RAB27A: variants seen among roughly 807,000 people sequenced by gnomAD.
RAB27A encodes RAB27A, member RAS oncogene family.
RAB27A carries 17 observed loss-of-function variants against 20.8 expected under a neutral mutation model. That is an observed-to-expected ratio of 0.82 (90% CI 0.56 to 1.23). RAB27A has a LOEUF of 1.23. Ranked by LOEUF, RAB27A falls within the 50% of genes most tolerant of loss-of-function variation. The probability of loss-of-function intolerance (pLI) is 0.00; values close to 1 mark genes in which losing one functional copy is unlikely to be tolerated. For synonymous variants in RAB27A, 85 were observed against 92.8 expected, an observed-to-expected ratio of 0.92 and a Z score of 0.48; for missense variants, 277 against 266.7, an observed-to-expected ratio of 1.04 and a Z score of -0.27.
chr15:55,304,081 G>A (rs1423244595), intron 2 of RAB27A, among the ~76,000 whole-genome samples: 2 of 152,170 alleles, frequency 1.3e-5, no homozygotes, highest in Admixed American at 6.5e-5. Flanking sequence ...TGTAGAAAGA[G>A]GTAGACATGG....
chr15:55,209,836 G>A (rs531269823), intron 6 of RAB27A, among the ~76,000 whole-genome samples: 1 of 111,556 alleles, frequency 9.0e-6, no homozygotes, highest in South Asian at 2.6e-4. Context: ...ATACATATAT[G>A]TGTGTACACA....
intron 1 of RAB27A, among the ~76,000 whole-genome samples, chr15:55,279,721 T>G (rs1400049878): frequency 6.6e-6 from 1 of 152,228 alleles, no homozygotes; most frequent in Non-Finnish European, 1.5e-5. Context: ...TTCCCTCGCT[T>G]GTGTATGGCA....
At chr15:55,294,360 G>C (rs776873875), upstream of RAB27A, among the ~76,000 whole-genome samples, 1 of 152,046 alleles carries the variant, frequency 6.6e-6, no homozygotes, top group Non-Finnish European at 1.5e-5. Context: ...GGCCAACATA[G>C]GTAGAGCCCT....
intron 6 of RAB27A, among the ~76,000 whole-genome samples, chr15:55,214,972 A>G (rs1895209400): frequency 6.6e-6 from 1 of 152,210 alleles, no homozygotes; most frequent in South Asian, 2.1e-4. Flanking sequence ...GTTAATGTCC[A>G]CAGAACATTT....
At chr15:55,293,778 G>T (rs1354105931), upstream of RAB27A, among the ~76,000 whole-genome samples, 1 of 152,094 alleles carries the variant, frequency 6.6e-6, no homozygotes, top group Admixed American at 6.5e-5. Flanking sequence ...TTAGCCGGGC[G>T]TGGTGGTGGG....
At chr15:55,221,514 G>A (rs7183895) in intron 6 of RAB27A, among the ~76,000 whole-genome samples, 50,903 of 151,800 alleles carry the variant, frequency 0.34, 10,540 homozygotes, top group African/African-American at 0.59. Flanking sequence ...GACTCTGTCA[G>A]CCTCCCCCTC....
intron 1 of RAB27A, among the ~76,000 whole-genome samples, chr15:55,275,062 C>T (rs190987586): frequency 3.2e-4 from 48 of 151,356 alleles, no homozygotes; most frequent in African/African-American, 1.2e-3. Context: ...ACCAGCCTGG[C>T]CAACATGGTA....
At chr15:55,285,716 C>T (rs12902233) in intron 1 of RAB27A, among the ~76,000 whole-genome samples, 6,741 of 152,290 alleles carry the variant, frequency 0.044, 241 homozygotes, top group Middle Eastern at 0.061. Flanking sequence ...GATGGCAAGA[C>T]AATTTCCCTT....
rs764074873 is a variant in RAB27A, at chr15:55,206,693, C to T, written c.468-988G>A. 6.6e-5 allele frequency among the ~76,000 whole-genome samples: 10 copies of T among 151,990 alleles called. 1 individual carries two copies. Among genetic ancestry groups the T allele is most frequent in the South Asian group, 6.3e-4 (3 of 4,796 alleles). On this transcript the variant is annotated intron_variant, in intron 6 of 6. Coordinates refer to ENST00000336787, the MANE Select transcript of RAB27A (RefSeq NM_183235.3). ...ATTGGTATGAAAGCCGTTTAAATTC[C>T]TCTAAGTGAAAAGTAAAACTTGAAA...
intron 6 of RAB27A, among the ~76,000 whole-genome samples, chr15:55,214,483 A>C (rs1012690084): frequency 1.1e-4 from 17 of 152,340 alleles, no homozygotes; most frequent in Middle Eastern, 3.4e-3. Context: ...CTATCACCTC[A>C]TTTGAGTGTT....
intron 6 of RAB27A, among the ~76,000 whole-genome samples, chr15:55,207,013 C>A (rs528456786): frequency 6.6e-6 from 1 of 152,038 alleles, no homozygotes; most frequent in Non-Finnish European, 1.5e-5. Flanking sequence ...AGGATATGCA[C>A]GGGAAATTCT....
chr15:55,218,626 T>C (rs1450270547), intron 6 of RAB27A, among the ~76,000 whole-genome samples: 1 of 152,188 alleles, frequency 6.6e-6, no homozygotes, highest in Non-Finnish European at 1.5e-5. Flanking sequence ...CTTGAGCATC[T>C]TCCTCAGCAA....
rs1279118939 is a variant in RAB27A, at chr15:55,263,340, G to T, written c.-23+6825C>A. Among the ~76,000 whole-genome samples the T allele has an allele frequency of 2.6e-5, 4 of 151,908 alleles. No individual in the cohort carries two copies. The East Asian group carries it at 7.8e-4, about 29-fold the overall frequency. Reference sequence around the variant, plus strand: ...TTACCCAAAACCAGTCTTCAAATGTGCCATATTACATTTATATAAGTCGCT... The same window carrying T: ...TTACCCAAAACCAGTCTTCAAATGTTCCATATTACATTTATATAAGTCGCT... On this transcript the variant is annotated intron_variant, in intron 2 of 6. Transcript: ENST00000336787.
intron 2 of RAB27A, among the ~76,000 whole-genome samples, chr15:55,300,361 C>T (rs1049811638): frequency 1.3e-5 from 2 of 151,928 alleles, no homozygotes; most frequent in South Asian, 2.1e-4. Flanking sequence ...CAAACAGATA[C>T]GGTATTCTGA....
intron 1 of RAB27A, chr15:55,318,863 C>T: frequency 5.8e-6 from 1 of 173,098 alleles, no homozygotes. Flanking sequence ...GAGCAACGAA[C>T]CTGAAATGTT....
intron 2 of RAB27A, among the ~76,000 whole-genome samples, chr15:55,236,379 G>A (rs1003049573): frequency 1.3e-5 from 2 of 152,024 alleles, no homozygotes; most frequent in South Asian, 2.1e-4. Context: ...CTTCTCTAGA[G>A]TATCACTGCT....
intron 2 of RAB27A, among the ~76,000 whole-genome samples, chr15:55,250,424 T>C (rs900195356): frequency 1.3e-5 from 2 of 152,232 alleles, no homozygotes; most frequent in Admixed American, 1.3e-4. Flanking sequence ...TTCCTATAAT[T>C]ATTAGTTGAG....
intron 2 of RAB27A, among the ~76,000 whole-genome samples, chr15:55,312,426 G>C (rs1047040603): frequency 1.3e-5 from 2 of 152,160 alleles, no homozygotes; most frequent in Non-Finnish European, 2.9e-5. Context: ...AAGGGGAATT[G>C]CTAGGCCATA....
chr15:55,298,595 C>T (rs2054959301), intron 2 of RAB27A, among the ~76,000 whole-genome samples: 4 of 152,156 alleles, frequency 2.6e-5, no homozygotes, highest in Admixed American at 2.6e-4. Flanking sequence ...ACCAGTGTCA[C>T]TGATAACATC....
Sources: gnomAD v4.1 joint callset for allele counts (sites outside exome capture counted in the v4.1 genomes callset) on GRCh38, gnomAD v4.1.1 for gene constraint, MANE v1.5 for transcripts, NCBI Gene and HGNC (gene_info 2026-07-23, HGNC 2026-07-21) for gene names.